Variants in METTL13 observed in about 807,000 individuals in gnomAD.
METTL13 encodes methyltransferase 13, eEF1A N-terminus and K55.
Under a neutral mutation model 67.4 loss-of-function variants are expected in METTL13, and 52 were observed. The ratio of observed to expected loss-of-function variants is 0.77; its 90% CI spans 0.62 to 0.97. The LOEUF is 0.97. Ranked by LOEUF, METTL13 falls within the 50% of genes least tolerant of loss-of-function variation. The pLI, the probability that METTL13 is intolerant of heterozygous loss-of-function variation, is 0.00. For synonymous variants in METTL13, 354 were observed against 353.6 expected, an observed-to-expected ratio of 1.00 and a Z score of -0.01; for missense variants, 825 against 889.6, an observed-to-expected ratio of 0.93 and a Z score of 0.92.
Position 171,782,003 on chromosome 1 carries a change from C to A in METTL13, c.36C>A (p.Gly12=), listed in dbSNP as rs762959050. Reference sequence around the variant, plus strand: ...TACCTAAAAGTTCCAGGGAGTTTGGCTCCGTTGACTATTGGGAGAAGTTCT... The same window carrying A: ...TACCTAAAAGTTCCAGGGAGTTTGGATCCGTTGACTATTGGGAGAAGTTCT... ...NLLPKSSREF[G]SVDYWEKFFQ... The change falls in exon 1 of 8, where the codon GGC becomes GGA. Residue 12 remains glycine, a synonymous_variant. Transcript: ENST00000361735. The A allele has an allele frequency of 1.6e-5, 26 of 1,614,000 alleles. No individual in the cohort carries two copies. Among genetic ancestry groups the A allele is most frequent in the Non-Finnish European group, 2.2e-5 (26 of 1,180,032 alleles).
intron 7 of METTL13, among the ~76,000 whole-genome samples, chr1:171,795,519 G>A (rs1323072930): frequency 2.0e-5 from 3 of 152,208 alleles, no homozygotes; most frequent in Non-Finnish European, 2.9e-5. Flanking sequence ...CTTCCTACAC[G>A]TGCTCTACTA....
rs536756575 is a variant in METTL13, at chr1:171,789,094, A to T, written c.1309+1164A>T. ...CTTAAAAGAACATTTTGCCCCTTTC[A>T]GTTTGGGTTTCAGGTTTTTTCACCA... On this transcript the variant is annotated intron_variant, in intron 4 of 7. Coordinates refer to ENST00000361735, the MANE Select transcript of METTL13 (RefSeq NM_015935.5). 2.0e-5 allele frequency among the ~76,000 whole-genome samples: 3 copies of T among 152,110 alleles called. No homozygotes were observed. In the South Asian group the frequency reaches 6.2e-4, roughly 32 times the overall value.
Position 171,784,252 on chromosome 1 carries a change from C to T in METTL13, c.666C>T (p.Ile222=). ...CAGTCCCTGGCTCTGCCCTTCAGATCTTTGAGCTGTGTGCTCAGGAGCAGC... is the reference window on the plus strand; with the variant it reads ...CAGTCCCTGGCTCTGCCCTTCAGATTTTTGAGCTGTGTGCTCAGGAGCAGC... ...FRPVPGSALQ[I]FELCAQEQRK... Residue 222 remains isoleucine (I), a synonymous_variant, in exon 2 of 8, where the codon ATC becomes ATT. Coordinates refer to ENST00000361735, the MANE Select transcript of METTL13 (RefSeq NM_015935.5). 1 of 1,614,040 alleles carries T rather than the reference C, an allele frequency of 6.2e-7. No homozygotes were observed. Among genetic ancestry groups the T allele is most frequent in the Non-Finnish European group, 8.5e-7 (1 of 1,180,028 alleles).
intron 1 of METTL13, among the ~76,000 whole-genome samples, 181 bp from the exon 2 acceptor site, chr1:171,783,559 A>G (rs1386494875): frequency 6.6e-6 from 1 of 152,228 alleles, no homozygotes; most frequent in Non-Finnish European, 1.5e-5. Context: ...ACTAGCAAGT[A>G]TATGTGGTGT....
chr1:171,782,607 C>T (rs1656865849), intron 1 of METTL13, among the ~76,000 whole-genome samples: 1 of 151,946 alleles, frequency 6.6e-6, no homozygotes, highest in South Asian at 2.1e-4. Context: ...AGATAATAGA[C>T]CTCCCACCCC....
At position 171,781,710 on chromosome 1, in the gene METTL13, G is replaced by T. The variant is rs560681585; in HGVS notation, c.-258G>T. 7.6e-6 allele frequency: 9 copies of T among 1,183,646 alleles called. No individual in the cohort carries two copies. The highest frequency in any genetic ancestry group is 3.7e-5 in the East Asian group (1 of 27,344). The allele number at this position is 1,183,646 out of a possible 1,614,324, so 73.3% of individuals were successfully genotyped here. On this transcript the variant is annotated 5_prime_UTR_variant, in exon 1 of 8. Transcript: ENST00000361735. Reference sequence around the variant, plus strand: ...AATCTAGTTCGGGAAAAGTGTGAGGGGCTCTTCACGTGGGGAAGGAACAGC... The same window carrying T: ...AATCTAGTTCGGGAAAAGTGTGAGGTGCTCTTCACGTGGGGAAGGAACAGC...
At position 171,796,570 on chromosome 1, in the gene METTL13, T is replaced by G; in HGVS notation, c.1914T>G (p.Tyr638Ter). Residue 638 changes from tyrosine to a stop codon, truncating the protein, a stop_gained, in exon 8 of 8, where the codon TAT (tyrosine) becomes TAG (stop). Transcript: ENST00000361735. LOFTEE classifies it high-confidence loss of function. ...AGLKAVFPLLYVRRIEGEVNE... is the reference protein window; with the variant it reads ...AGLKAVFPLL ...TCAAGGCAGTGTTCCCCCTCCTATATGTCCGGCGAATTGAGGGTGAAGTGA... is the reference window on the plus strand; with the variant it reads ...TCAAGGCAGTGTTCCCCCTCCTATAGGTCCGGCGAATTGAGGGTGAAGTGA... 6.2e-7 allele frequency: 1 copy of G among 1,614,202 alleles called. No individual in the cohort carries two copies. Among genetic ancestry groups the G allele is most frequent in the Non-Finnish European group, 8.5e-7 (1 of 1,180,030 alleles).
chr1:171,796,378 C>G, intron 7 of METTL13, 104 bp from the exon 8 acceptor site: 3 of 1,392,658 alleles, frequency 2.2e-6, no homozygotes, highest in Non-Finnish European at 3.0e-6. Context: ...TTTTAGTCCA[C>G]CAGTCTCCCT....
rs1258088146 is a variant in METTL13, at chr1:171,787,881, G to A, written c.1260G>A (p.Arg420=). 2 of 1,613,960 alleles carry A rather than the reference G, an allele frequency of 1.2e-6. No individual in the cohort carries two copies. Among genetic ancestry groups the A allele is most frequent in the Non-Finnish European group, 8.5e-7 (1 of 1,180,004 alleles). Residue 420 remains arginine (R), a synonymous_variant, in exon 4 of 8, where the codon AGG becomes AGA. Coordinates refer to ENST00000361735, the MANE Select transcript of METTL13 (RefSeq NM_015935.5). ...YFRRLIFLSN[R]NVVQSEARLL... is the part of the protein sequence containing the mutation. Reference sequence around the variant, plus strand: ...GTCGACTGATCTTCCTCAGCAACAGGAATGTGGTGCAGTCCGAAGCCAGGT... The same window carrying A: ...GTCGACTGATCTTCCTCAGCAACAGAAATGTGGTGCAGTCCGAAGCCAGGT...
Position 171,791,998 on chromosome 1 carries a change from C to T in METTL13, c.1475-19C>T, listed in dbSNP as rs764430626. The T allele has an allele frequency of 1.1e-5, 17 of 1,611,554 alleles. No individual in the cohort carries two copies. Among genetic ancestry groups the T allele is most frequent in the Non-Finnish European group, 1.4e-5 (16 of 1,179,472 alleles). ...CCAGTGAACAGGTGGCAATGTGATG[C>T]TCTATTCTTTTCTTACAGAGATCCC... On this transcript the variant is annotated intron_variant, in intron 5 of 7. Transcript: ENST00000361735.
In METTL13 at chr1:171,786,064, C is replaced by T. The variant is rs778599856; in HGVS notation, c.1099C>T (p.Pro367Ser). 4 of 1,612,456 alleles carry T rather than the reference C, an allele frequency of 2.5e-6. No individual in the cohort carries two copies. The highest frequency in any genetic ancestry group is 3.4e-6 in the Non-Finnish European group (4 of 1,179,116). ...RVMELAPAGM[P>S]TQQQVPFLSV... ...CATGGAGCTGGCCCCAGCTGGGATG[C>T]CCACCCAGCAGCAGGTAACAAAGCT... Residue 367 changes from proline to serine, a missense_variant, in exon 3 of 8, where the codon CCC becomes TCC. Transcript: ENST00000361735.
chr1:171,792,693 T>C (rs1244834419), intron 6 of METTL13, among the ~76,000 whole-genome samples: 1 of 152,204 alleles, frequency 6.6e-6, no homozygotes, highest in Non-Finnish European at 1.5e-5. Flanking sequence ...CATTTGGTAA[T>C]GTATGGAGAC....
At chr1:171,785,723 A>G (rs1656985551) in intron 2 of METTL13, among the ~76,000 whole-genome samples, 156 bp from the exon 3 acceptor site, 1 of 152,102 alleles carries the variant, frequency 6.6e-6, no homozygotes, top group South Asian at 2.1e-4. Context: ...GCTTTGCCCT[A>G]GATGTTGTGA....
intron 4 of METTL13, among the ~76,000 whole-genome samples, chr1:171,789,696 A>G (rs1657137911): frequency 6.6e-6 from 1 of 152,176 alleles, no homozygotes; most frequent in Non-Finnish European, 1.5e-5. Flanking sequence ...TTCTCCTGTT[A>G]GTGGCCTTAC....
intron 4 of METTL13, among the ~76,000 whole-genome samples, chr1:171,788,497 A>G (rs1028130149): frequency 5.9e-5 from 9 of 152,160 alleles, no homozygotes; most frequent in Non-Finnish European, 1.0e-4. Flanking sequence ...ATTCTAATTA[A>G]TTTACATTTA....
chr1:171,788,028 T>A (rs1056620987), intron 4 of METTL13, 98 bp downstream of exon 4: 4 of 1,196,118 alleles, frequency 3.3e-6, no homozygotes, highest in Non-Finnish European at 4.8e-6. Context: ...CCTGGGTGTC[T>A]GTAGGTTCTT....
Position 171,796,746 on chromosome 1 carries a change from A to C in METTL13, c.2090A>C (p.Lys697Thr), listed in dbSNP as rs780555842. 6.2e-7 allele frequency: 1 copy of C among 1,613,690 alleles called. No individual in the cohort carries two copies. Among genetic ancestry groups the C allele is most frequent in the South Asian group, 1.1e-5 (1 of 91,062 alleles). Residue 697 changes from lysine to threonine, a missense_variant, in exon 8 of 8, where the codon AAA (lysine) becomes ACA (threonine). Lys to Thr is a moderately conservative substitution (Grantham distance 78). Transcript: ENST00000361735. ...YVLSDMLKTVKIV is the reference protein window; with the variant it reads ...YVLSDMLKTVTIV ...TTGTCAGATATGCTCAAGACGGTGAAAATTGTGTGACTGCTTAGGCCAAGC... is the reference window on the plus strand; with the variant it reads ...TTGTCAGATATGCTCAAGACGGTGACAATTGTGTGACTGCTTAGGCCAAGC...
At chr1:171,794,171 T>G (rs1657291973) in intron 6 of METTL13, among the ~76,000 whole-genome samples, 1 of 152,196 alleles carries the variant, frequency 6.6e-6, no homozygotes, top group Non-Finnish European at 1.5e-5. Context: ...TGCTTTTAAA[T>G]GTGGAAGAAG....
At chr1:171,792,297 C>T (rs1415075421) in intron 6 of METTL13, 62 bp downstream of exon 6, 18 of 1,578,512 alleles carry the variant, frequency 1.1e-5, no homozygotes, top group Admixed American at 3.4e-5. Context: ...TTGTCAGGCC[C>T]GCAAGGGCCT....
Sources: gnomAD v4.1 joint callset for allele counts (sites outside exome capture counted in the v4.1 genomes callset) on GRCh38, gnomAD v4.1.1 for gene constraint, MANE v1.5 for transcripts, NCBI Gene and HGNC (gene_info 2026-07-23, HGNC 2026-07-21) for gene names.